Variants in CEP63 observed in about 807,000 individuals in gnomAD.
CEP63 encodes centrosomal protein 63.
Under a neutral mutation model 89.1 loss-of-function variants are expected in CEP63, and 84 were observed. The ratio of observed to expected loss-of-function variants is 0.94; its 90% CI spans 0.79 to 1.13. The LOEUF (loss-of-function observed/expected upper bound fraction) is 1.13, where lower values mean the gene tolerates loss of function less well. Among genes scored for constraint, CEP63 ranks in the 50% most tolerant of loss-of-function variants. The probability of loss-of-function intolerance (pLI) is 0.00; values close to 1 mark genes in which losing one functional copy is unlikely to be tolerated. For missense variants in CEP63, 838 were observed against 813.3 expected, an observed-to-expected ratio of 1.03 and a Z score of -0.37; for synonymous variants, 267 against 272.5, an observed-to-expected ratio of 0.98 and a Z score of 0.20.
At chr3:134,770,689 G>A in the CEP63 span, among the ~76,000 whole-genome samples, 9 of 152,118 alleles carry the variant, frequency 5.9e-5, no homozygotes, top group African/African-American at 1.7e-4. Flanking sequence ...CTGTGTTGTA[G>A]TTGATGAGGG....
chr3:134,592,253 A>T (rs1050207906), downstream of CEP63, among the ~76,000 whole-genome samples: 5 of 152,194 alleles, frequency 3.3e-5, no homozygotes, highest in African/African-American at 1.2e-4. Flanking sequence ...AGAGCAAGTG[A>T]TCTGGAGAGA....
chr3:134,534,927 C>G (rs572213390), intron 5 of CEP63, among the ~76,000 whole-genome samples: 1 of 152,220 alleles, frequency 6.6e-6, no homozygotes, highest in Non-Finnish European at 1.5e-5. Context: ...TTGTGTCCAC[C>G]CACCTATCTG....
rs372685774 is a variant in CEP63, at chr3:134,550,248, A to G, written c.1368A>G (p.Ala456=). ...RAEMQKAEDK[A]VEHKEILDQL... ...AGATGCAAAAGGCAGAAGACAAAGC[A>G]GTAGAGCATAAGGTGAAGCCTGAAC... The change falls in exon 11 of 15, where the codon GCA becomes GCG. Residue 456 remains alanine (A), a synonymous_variant. Transcript: ENST00000675561. The G allele has an allele frequency of 9.9e-5, 159 of 1,614,072 alleles. No individual in the cohort carries two copies. Among genetic ancestry groups the G allele is most frequent in the Middle Eastern group, 8.2e-4 (5 of 6,084 alleles).
chr3:134,707,739 CTTTTTTT>C, the CEP63 span, among the ~76,000 whole-genome samples: 2 of 120,456 alleles, frequency 1.7e-5, no homozygotes, highest in East Asian at 2.5e-4. Flanking sequence ...TGATTCTTTT[CTTTTTTT>C]TTTTTTTTTT....
intron 10 of CEP63, among the ~76,000 whole-genome samples, chr3:134,583,449 T>A (rs1315852273): frequency 1.3e-5 from 2 of 152,202 alleles, no homozygotes; most frequent in Non-Finnish European, 2.9e-5. Flanking sequence ...CCTTTCCCCA[T>A]TTCTTGTTTT....
chr3:134,603,065 A>G, the CEP63 span: 1 of 152,622 alleles, frequency 6.6e-6, no homozygotes, highest in Non-Finnish European at 1.5e-5. Context: ...TGGGAGGAGA[A>G]GATAGTCCAA....
At chr3:134,554,785 G>A (rs2109991971) in intron 12 of CEP63, among the ~76,000 whole-genome samples, 1 of 152,316 alleles carries the variant, frequency 6.6e-6, no homozygotes, top group South Asian at 2.1e-4. Context: ...TCTAACTGGT[G>A]TGAGATGGTA....
chr3:134,692,355 C>T, the CEP63 span, among the ~76,000 whole-genome samples: 39 of 150,938 alleles, frequency 2.6e-4, 1 homozygote, highest in Middle Eastern at 3.4e-3. Flanking sequence ...TGGGAACATG[C>T]GGTGTTTGTT....
Position 134,549,093 on chromosome 3 carries a change from C to T in CEP63, c.1099C>T (p.Leu367=), listed in dbSNP as rs745729949. The T allele has an allele frequency of 3.7e-6, 6 of 1,613,216 alleles. No homozygotes were observed. In the Admixed American group the frequency reaches 1.0e-4, roughly 27 times the overall value. Residue 367 remains leucine, a synonymous_variant, in exon 10 of 15, where the codon CTG becomes TTG. Transcript: ENST00000675561. The stretch of plus-strand genomic sequence containing the variant: ...ATCTGTGAGTGCAACGTGTAAACAG[C>T]TGAGCCAAGAACTAATGGAAAAATA... ...LESVSATCKQ[L]SQELMEKYEE...
the CEP63 span, among the ~76,000 whole-genome samples, chr3:134,746,071 C>A: frequency 3.3e-5 from 5 of 151,594 alleles, no homozygotes; most frequent in Admixed American, 1.3e-4. Flanking sequence ...CTCCACCACC[C>A]CCCCCACCCC....
chr3:134,546,341 A>C (rs573181710), intron 8 of CEP63, 53 bp downstream of exon 8: 1 of 1,468,796 alleles, frequency 6.8e-7, no homozygotes, highest in South Asian at 1.2e-5. Context: ...ACTAGGTATT[A>C]AGCACTAGGC....
At chr3:134,690,302 A>G in the CEP63 span, among the ~76,000 whole-genome samples, 1 of 152,208 alleles carries the variant, frequency 6.6e-6, no homozygotes, top group Non-Finnish European at 1.5e-5. Flanking sequence ...TTTTCTTATT[A>G]TTAGTTTCAA....
the CEP63 span, among the ~76,000 whole-genome samples, chr3:134,769,889 C>T: frequency 6.6e-6 from 1 of 152,240 alleles, no homozygotes; most frequent in Non-Finnish European, 1.5e-5. Context: ...TCGTCCCTCT[C>T]ATATCATGTG....
At chr3:134,609,179 G>A in the CEP63 span, among the ~76,000 whole-genome samples, 1 of 152,204 alleles carries the variant, frequency 6.6e-6, no homozygotes, top group Non-Finnish European at 1.5e-5. Flanking sequence ...GGGGTCGTGG[G>A]AAGGCAGGGA....
At chr3:134,518,459 A>G (rs1946700721) in intron 3 of CEP63, among the ~76,000 whole-genome samples, 1 of 152,218 alleles carries the variant, frequency 6.6e-6, no homozygotes, top group South Asian at 2.1e-4. Context: ...GGTGGATTTA[A>G]TCTAGAACTC....
chr3:134,670,619 A>G, the CEP63 span, among the ~76,000 whole-genome samples: 6 of 152,214 alleles, frequency 3.9e-5, no homozygotes, highest in African/African-American at 1.4e-4. Flanking sequence ...GGATGAATGG[A>G]CTACTTAGAA....
the CEP63 span, among the ~76,000 whole-genome samples, chr3:134,731,422 C>T: frequency 6.6e-6 from 1 of 152,094 alleles, no homozygotes; most frequent in African/African-American, 2.4e-5. Flanking sequence ...CATATTTGAT[C>T]CCAATGCAAT....
chr3:134,769,887 C>T, the CEP63 span, among the ~76,000 whole-genome samples: 2 of 152,236 alleles, frequency 1.3e-5, no homozygotes, highest in Non-Finnish European at 2.9e-5. Context: ...TATCGTCCCT[C>T]TCATATCATG....
intron 6 of CEP63, among the ~76,000 whole-genome samples, chr3:134,541,977 A>C (rs1192981750): frequency 2.6e-5 from 4 of 152,208 alleles, no homozygotes; most frequent in Non-Finnish European, 5.9e-5. Flanking sequence ...AACTAAGGTC[A>C]TTTCTGTTTA....
Sources: allele counts gnomAD v4.1 joint callset (sites outside exome capture counted in the v4.1 genomes callset), GRCh38; gene constraint gnomAD v4.1.1; transcripts MANE v1.5; gene names NCBI Gene and HGNC (gene_info 2026-07-23, HGNC 2026-07-21).